Variants in ADAMTSL3 observed in about 807,000 individuals in gnomAD.
ADAMTSL3 encodes the protein ADAMTS like 3, also known as ADAMTS-like protein 3.
Under a neutral mutation model 201.7 loss-of-function variants are expected in ADAMTSL3, and 128 were observed. The ratio of observed to expected loss-of-function variants is 0.63; its 90% CI spans 0.55 to 0.73. The LOEUF (loss-of-function observed/expected upper bound fraction) is 0.73. ADAMTSL3 is among the 30% of genes least tolerant of loss of function. ADAMTSL3 has a pLI of 0.00. For synonymous variants in ADAMTSL3, 738 were observed against 748.4 expected (o/e 0.99, Z 0.23); for missense variants, 1,990 against 2,119.6 (o/e 0.94, Z 1.20).
chr15:84,022,055 T>C (rs1410224987), intron 26 of ADAMTSL3, among the ~76,000 whole-genome samples: 2 of 152,178 alleles, frequency 1.3e-5, no homozygotes, highest in East Asian at 1.9e-4. Flanking sequence ...TTCTAAGCAA[T>C]AGGTAATACA....
chr15:83,780,424 C>A (rs28797253), intron 4 of ADAMTSL3, among the ~76,000 whole-genome samples: 46,407 of 129,128 alleles, frequency 0.36, 8,065 homozygotes, highest in South Asian at 0.6. Context: ...AAAAAAAAAA[C>A]AAACTTCTCA....
At position 84,021,532 on chromosome 15, in the gene ADAMTSL3, G is replaced by A. The variant is rs1433049559; in HGVS notation, c.4396G>A (p.Asp1466Asn). ...GCAGGAAGTGAGTGAGGCCCTGTGT[G>A]ATCACCTCCAGAAGCCACTGGCTGG... The part of the protein sequence containing the change: ...NGQEVSEALC[D>N]HLQKPLAGFE... The change falls in exon 26 of 30, where the codon GAT becomes AAT. Residue 1466 changes from aspartate to asparagine, a missense_variant. Transcript: ENST00000286744. 1 of 1,614,030 alleles carries A rather than the reference G, an allele frequency of 6.2e-7. No homozygotes were observed. The highest frequency in any genetic ancestry group is 8.5e-7 in the Non-Finnish European group (1 of 1,180,032).
In ADAMTSL3 at chr15:83,991,213, AG is replaced by A; in HGVS notation, c.3973+1del. 1 of 1,614,172 alleles carries A rather than the reference AG, an allele frequency of 6.2e-7. No homozygotes were observed. Among genetic ancestry groups the A allele is most frequent in the Non-Finnish European group, 8.5e-7 (1 of 1,180,014 alleles). The part of the protein sequence containing the change: ...ANVTIRCPVK[G>X]VPQPNITWLK... Reference sequence around the variant, plus strand: ...ACGTGACAATCCGATGTCCTGTAAAAGGTAAGTGTGGTCATTTCAGTGGGAG... The same window carrying A: ...ACGTGACAATCCGATGTCCTGTAAAAGTAAGTGTGGTCATTTCAGTGGGAG... On this transcript the variant is annotated frameshift_variant and splice_region_variant, in exon 23 of 30. Coordinates refer to ENST00000286744, the MANE Select transcript of ADAMTSL3 (RefSeq NM_207517.3). LOFTEE classifies it high-confidence loss of function.
intron 8 of ADAMTSL3, among the ~76,000 whole-genome samples, chr15:83,866,655 T>C (rs988379278): frequency 1.3e-5 from 2 of 152,164 alleles, no homozygotes; most frequent in African/African-American, 4.8e-5. Flanking sequence ...ATATACCTCA[T>C]GTTAAATGAC....
intron 16 of ADAMTSL3, among the ~76,000 whole-genome samples, chr15:83,917,979 G>A (rs530485893): frequency 1.6e-4 from 24 of 152,186 alleles, no homozygotes; most frequent in Admixed American, 1.4e-3. Context: ...TCTTATATTG[G>A]AATGCTATTG....
intron 8 of ADAMTSL3, among the ~76,000 whole-genome samples, chr15:83,869,206 T>G (rs981564834): frequency 6.6e-6 from 1 of 152,216 alleles, no homozygotes; most frequent in African/African-American, 2.4e-5. Flanking sequence ...AATGCTCTTA[T>G]TGCTTATCAT....
intron 2 of ADAMTSL3, among the ~76,000 whole-genome samples, chr15:83,658,289 G>A (rs1278069331): frequency 2.6e-5 from 4 of 152,018 alleles, no homozygotes; most frequent in African/African-American, 4.8e-5. Context: ...TTGTATTATC[G>A]GTAGAGATGA....
chr15:83,726,448 A>T (rs2062176566), intron 3 of ADAMTSL3, among the ~76,000 whole-genome samples: 1 of 152,128 alleles, frequency 6.6e-6, no homozygotes, highest in Non-Finnish European at 1.5e-5. Context: ...ACAGTGGTGA[A>T]ACTGAGCATC....
At chr15:83,856,002 C>A (rs2064723119) in intron 7 of ADAMTSL3, among the ~76,000 whole-genome samples, 1 of 151,840 alleles carries the variant, frequency 6.6e-6, no homozygotes, top group Non-Finnish European at 1.5e-5. Context: ...CAGAGTGAGA[C>A]CCTGTCTCAA....
intron 22 of ADAMTSL3, 124 bp from the exon 23 acceptor site, chr15:83,990,962 A>G (rs1220458287): frequency 4.0e-5 from 55 of 1,391,808 alleles, no homozygotes; most frequent in Middle Eastern, 1.9e-4. Flanking sequence ...CTTGAGGGAT[A>G]CAGAGAGAAC....
intron 12 of ADAMTSL3, among the ~76,000 whole-genome samples, chr15:83,891,906 G>T (rs2065506478): frequency 6.6e-6 from 1 of 152,204 alleles, no homozygotes; most frequent in South Asian, 2.1e-4. Context: ...ACAAGAATTT[G>T]TGTGTGGCAG....
intron 3 of ADAMTSL3, among the ~76,000 whole-genome samples, chr15:83,753,989 A>G (rs958161531): frequency 5.9e-5 from 9 of 152,242 alleles, no homozygotes; most frequent in African/African-American, 1.9e-4. Flanking sequence ...ATAAGTCATC[A>G]TGAGAGTAAA....
chr15:83,769,096 CT>C lies in ADAMTSL3; in HGVS notation c.190-4415del, dbSNP rs987095417. Among the ~76,000 whole-genome samples the C allele has an allele frequency of 1.3e-3, 187 of 142,896 alleles. 1 individual carries two copies. The highest frequency in any genetic ancestry group is 3.7e-3 in the Middle Eastern group (1 of 272). 93.7% of individuals were successfully genotyped at this position (142,896 alleles called of 152,430 possible). A position where few individuals can be genotyped will look rare whatever the true frequency, so the allele number is the denominator to read the frequency against. On this transcript the variant is annotated intron_variant, in intron 3 of 29. Coordinates refer to ENST00000286744, the MANE Select transcript of ADAMTSL3 (RefSeq NM_207517.3). ...TTTTAGTTATTTTAGAATCAAGATT[CT>C]TTTTTTTTTTTGTAAGTTAAGGTAG... is the stretch of plus-strand genomic sequence containing the variant.
At chr15:83,954,317 G>A (rs574801043) in intron 19 of ADAMTSL3, among the ~76,000 whole-genome samples, 1 of 152,264 alleles carries the variant, frequency 6.6e-6, no homozygotes, top group South Asian at 2.1e-4. Flanking sequence ...CTGCTGCCAA[G>A]AGACTCTGAT....
chr15:83,946,251 G>A (rs930293623), intron 19 of ADAMTSL3, among the ~76,000 whole-genome samples: 2 of 152,138 alleles, frequency 1.3e-5, no homozygotes. Flanking sequence ...ACTTTCCTCC[G>A]TGTCCGCTCT....
intron 17 of ADAMTSL3, among the ~76,000 whole-genome samples, chr15:83,929,651 C>T (rs2066314993): frequency 6.6e-6 from 1 of 151,794 alleles, no homozygotes; most frequent in Non-Finnish European, 1.5e-5. Context: ...CTGGATCCAA[C>T]TCTTAAACCA....
chr15:83,897,724 T>TA lies in ADAMTSL3; in HGVS notation c.1468-133dup, dbSNP rs1392500401. ...GAAAATTAGCCTCTGTACCCTTCCT[T>TA]ACATAATATTTGTCTAAAAGTCTTT... On this transcript the variant is annotated intron_variant, in intron 13 of 29. Coordinates refer to ENST00000286744, the MANE Select transcript of ADAMTSL3 (RefSeq NM_207517.3). The TA allele has an allele frequency of 5.9e-6, 6 of 1,017,962 alleles. No homozygotes were observed. In the African/African-American group the frequency reaches 9.7e-5, roughly 16 times the overall value. The allele number at this position is 1,017,962 out of a possible 1,614,324, so 63.1% of individuals were successfully genotyped here.
In ADAMTSL3 at chr15:83,892,757, G is replaced by T. The variant is rs762843148; in HGVS notation, c.1336G>T (p.Val446Leu). Reference protein sequence around the residue: ...GGIQRRSFVCVEESMHGEILQ... With the variant: ...GGIQRRSFVCLEESMHGEILQ... Reference sequence around the variant, plus strand: ...GATTCAGAGACGGAGCTTTGTGTGTGTAGAGGAATCCATGCATGGAGAGAT... The same window carrying T: ...GATTCAGAGACGGAGCTTTGTGTGTTTAGAGGAATCCATGCATGGAGAGAT... The change falls in exon 13 of 30, where the codon GTA (valine) becomes TTA (leucine). Residue 446 changes from valine (V) to leucine (L), a missense_variant. Val to Leu is a conservative substitution (Grantham distance 32). Transcript: ENST00000286744. The T allele has an allele frequency of 6.8e-6, 11 of 1,614,134 alleles. No individual in the cohort carries two copies. In the South Asian group the frequency reaches 1.2e-4, roughly 18 times the overall value.
intron 23 of ADAMTSL3, among the ~76,000 whole-genome samples, chr15:83,995,541 T>C (rs887399218): frequency 4.6e-5 from 7 of 151,908 alleles, no homozygotes; most frequent in Middle Eastern, 3.2e-3. Flanking sequence ...TGCAATAAGA[T>C]AAAATAAATA....
Sources: allele counts gnomAD v4.1 joint callset (sites outside exome capture counted in the v4.1 genomes callset), GRCh38; gene constraint gnomAD v4.1.1; transcripts MANE v1.5; gene names NCBI Gene and HGNC (gene_info 2026-07-23, HGNC 2026-07-21).